Variants in CADM2 observed in about 807,000 individuals in gnomAD.
CADM2 encodes immunoglobulin superfamily member 4D.
A neutral mutation model predicts 49.8 loss-of-function variants in CADM2; 12 were observed. The ratio of observed to expected loss-of-function variants is 0.24; its 90% confidence interval spans 0.15 to 0.39. CADM2 has a LOEUF of 0.39. Among genes scored for constraint, CADM2 ranks in the 10% least tolerant of loss-of-function variants. CADM2 has a pLI of 1.00. For missense variants in CADM2, 378 were observed against 492.3 expected (o/e 0.77, Z 2.20); for synonymous variants, 214 against 175.4 (o/e 1.22, Z -1.74).
intron 1 of CADM2, among the ~76,000 whole-genome samples, chr3:85,196,578 A>T (rs1443049118): frequency 6.6e-6 from 1 of 151,996 alleles, no homozygotes; most frequent in Non-Finnish European, 1.5e-5. Context: ...TAATTGATTG[A>T]TTTATTCTAG....
chr3:85,387,783 TTTC>T (rs1434889333), intron 1 of CADM2, among the ~76,000 whole-genome samples: 2 of 152,176 alleles, frequency 1.3e-5, no homozygotes, highest in African/African-American at 4.8e-5. Flanking sequence ...TACGATTACA[TTTC>T]TTAGTAATTG....
In CADM2 at chr3:85,855,954, A is replaced by G. The variant is rs1283210076; in HGVS notation, c.239-27337A>G. On this transcript the variant is annotated intron_variant, in intron 3 of 9. Coordinates refer to ENST00000383699, the MANE Select transcript of CADM2 (RefSeq NM_001167675.2). The stretch of plus-strand genomic sequence containing the variant: ...AAATATTTTAATCTTAACTAATTAT[A>G]CGCTTTTTGCAGGTTAATTAAGATG... 2.6e-5 allele frequency among the ~76,000 whole-genome samples: 4 copies of G among 152,110 alleles called. No homozygotes were observed. In the East Asian group the frequency reaches 7.7e-4, roughly 29 times the overall value.
intron 1 of CADM2, among the ~76,000 whole-genome samples, chr3:85,107,922 G>T (rs6804768): frequency 1.3e-5 from 2 of 151,660 alleles, no homozygotes; most frequent in South Asian, 4.2e-4. Context: ...GGCTGGTCTC[G>T]AACTCCTGAC....
At chr3:85,444,011 T>C (rs956083706) in intron 1 of CADM2, among the ~76,000 whole-genome samples, 67 of 152,318 alleles carry the variant, frequency 4.4e-4, no homozygotes, top group Non-Finnish European at 3.5e-4. Context: ...TCAGTATTGC[T>C]GATTTCAGCT....
chr3:85,094,980 T>C (rs1300633264), intron 1 of CADM2, among the ~76,000 whole-genome samples: 1 of 152,156 alleles, frequency 6.6e-6, no homozygotes, highest in African/African-American at 2.4e-5. Context: ...GTATATGAAT[T>C]CTTGACTTAC....
intron 1 of CADM2, among the ~76,000 whole-genome samples, chr3:85,582,056 G>C (rs2062815627): frequency 6.6e-6 from 1 of 151,962 alleles, no homozygotes; most frequent in South Asian, 2.1e-4. Flanking sequence ...TCACCCAATA[G>C]CTGGTACTAC....
chr3:84,966,906 GAAAATA>G (rs748009602), intron 1 of CADM2, among the ~76,000 whole-genome samples: 12 of 151,842 alleles, frequency 7.9e-5, no homozygotes, highest in Non-Finnish European at 1.3e-4. Flanking sequence ...GCATTGCTTA[GAAAATA>G]AAAATAAGCA....
At chr3:85,416,119 C>T (rs1165274587) in intron 1 of CADM2, among the ~76,000 whole-genome samples, 1 of 151,952 alleles carries the variant, frequency 6.6e-6, no homozygotes, top group African/African-American at 2.4e-5. Context: ...GCTAGATGAA[C>T]CTTATGCTAC....
chr3:85,209,691 A>C (rs1360183621), intron 1 of CADM2, among the ~76,000 whole-genome samples: 1 of 152,000 alleles, frequency 6.6e-6, no homozygotes, highest in Non-Finnish European at 1.5e-5. Context: ...AGAAGAAAAA[A>C]CACACAGCCA....
chr3:85,952,061 G>A (rs1221657414), intron 7 of CADM2, among the ~76,000 whole-genome samples: 2 of 150,438 alleles, frequency 1.3e-5, no homozygotes, highest in African/African-American at 4.9e-5. Flanking sequence ...ACAAATAGAA[G>A]TTTGTAATTA....
At chr3:85,681,190 C>T (rs560287079) in intron 1 of CADM2, among the ~76,000 whole-genome samples, 1 of 152,120 alleles carries the variant, frequency 6.6e-6, no homozygotes, top group South Asian at 2.1e-4. Context: ...TGACTGGCCA[C>T]TATTAAAAAC....
intron 1 of CADM2, among the ~76,000 whole-genome samples, chr3:85,714,944 A>G (rs990524440): frequency 6.6e-6 from 1 of 152,034 alleles, no homozygotes; most frequent in African/African-American, 2.4e-5. Flanking sequence ...TAGTTTTCTA[A>G]TTGCACACCA....
chr3:85,838,425 C>T (rs1363884940), intron 3 of CADM2, among the ~76,000 whole-genome samples: 1 of 151,754 alleles, frequency 6.6e-6, no homozygotes, highest in Non-Finnish European at 1.5e-5. Flanking sequence ...AACACAGAGC[C>T]TTGTGCAACC....
intron 1 of CADM2, among the ~76,000 whole-genome samples, chr3:85,487,721 C>T (rs968199090): frequency 1.1e-4 from 16 of 151,602 alleles, no homozygotes; most frequent in African/African-American, 1.7e-4. Context: ...AAGAAATAAA[C>T]CTCTGTGTGT....
chr3:86,013,256 C>T, intron 8 of CADM2: 1 of 1,484,428 alleles, frequency 6.7e-7, no homozygotes, highest in Non-Finnish European at 9.3e-7. Context: ...ATGCTCAGAA[C>T]CCCAGTGAAG....
intron 1 of CADM2, among the ~76,000 whole-genome samples, chr3:85,395,230 T>G (rs1434065442): frequency 1.4e-5 from 2 of 140,498 alleles, no homozygotes; most frequent in Admixed American, 1.6e-4. Flanking sequence ...CCTGGGAGGC[T>G]GAGGCTGAAG....
chr3:85,130,332 A>T (rs540131282), intron 1 of CADM2, among the ~76,000 whole-genome samples: 2 of 152,308 alleles, frequency 1.3e-5, no homozygotes, highest in African/African-American at 4.8e-5. Context: ...GCATTATTTT[A>T]TCCATAGTTT....
chr3:85,208,879 A>T (rs922853553), intron 1 of CADM2, among the ~76,000 whole-genome samples: 2 of 152,130 alleles, frequency 1.3e-5, no homozygotes, highest in Non-Finnish European at 2.9e-5. Flanking sequence ...GTCACTCCAG[A>T]TAAGAAATGA....
intron 3 of CADM2, among the ~76,000 whole-genome samples, chr3:85,868,709 T>C (rs955866912): frequency 4.6e-5 from 7 of 152,136 alleles, no homozygotes; most frequent in Admixed American, 2.0e-4. Context: ...AATTCTGTTG[T>C]CATAGTGTTA....
Sources: allele counts gnomAD v4.1 joint callset (sites outside exome capture counted in the v4.1 genomes callset), GRCh38; gene constraint gnomAD v4.1.1; transcripts MANE v1.5; gene names NCBI Gene and HGNC (gene_info 2026-07-23, HGNC 2026-07-21).